CECR2: variants seen among roughly 807,000 people sequenced by gnomAD.
CECR2 encodes the protein CECR2 histone acetyl-lysine reader, also known as chromatin remodeling regulator CECR2.
CECR2 carries 30 observed loss-of-function variants against 154.5 expected under a neutral mutation model. The observed-to-expected ratio is 0.19, with a 90% confidence interval of 0.15 to 0.26. The LOEUF (loss-of-function observed/expected upper bound fraction) is 0.26. Among genes scored for constraint, CECR2 ranks in the 10% least tolerant of loss-of-function variants. The pLI, the probability that CECR2 is intolerant of heterozygous loss-of-function variation, is 1.00. For synonymous variants in CECR2, 725 were observed against 683.7 expected (o/e 1.06, Z -0.94); for missense variants, 1,743 against 1,829.3 (o/e 0.95, Z 0.86).
intron 1 of CECR2, among the ~76,000 whole-genome samples, chr22:17,454,604 CAA>C (rs533818885): frequency 5.7e-5 from 5 of 88,470 alleles, no homozygotes; most frequent in Admixed American, 1.3e-4. Context: ...GACTCCGTCT[CAA>C]AAAAAAAAAA....
chr22:17,380,661 A>G (rs1159779979), intron 1 of CECR2, among the ~76,000 whole-genome samples: 1 of 152,184 alleles, frequency 6.6e-6, no homozygotes, highest in East Asian at 1.9e-4. Context: ...ATCACCTCCA[A>G]AAGTAAGTGA....
intron 7 of CECR2, 40 bp from the exon 8 acceptor site, chr22:17,511,773 A>AATCT (rs2055959587): frequency 6.4e-7 from 1 of 1,556,186 alleles, no homozygotes; most frequent in African/African-American, 1.4e-5. Flanking sequence ...AGAACACCCT[A>AATCT]ATCTATCTTT....
At chr22:17,389,001 C>T (rs1299308783) in intron 1 of CECR2, among the ~76,000 whole-genome samples, 9 of 151,974 alleles carry the variant, frequency 5.9e-5, no homozygotes, top group South Asian at 2.1e-4. Context: ...TTAGTAGAGA[C>T]GGGGTTTCAC....
rs1038978454 is a variant in CECR2 at position 17,449,565 on chromosome 22, C to T, written c.127-28023C>T. On this transcript the variant is annotated intron_variant, in intron 1 of 18. Coordinates refer to ENST00000262608, the MANE Select transcript of CECR2 (RefSeq NM_001290047.2). ...AGTGCAGTGGCATGATGTTGGCTCA[C>T]TGCAAGCTCTGCCTCCCAGGTTCAC... Among the ~76,000 whole-genome samples the T allele has an allele frequency of 5.0e-4, 70 of 140,918 alleles. 1 individual carries two copies. The highest frequency in any genetic ancestry group is 1.8e-3 in the African/African-American group (68 of 37,372). 92.4% of individuals were successfully genotyped at this position (140,918 alleles called of 152,430 possible).
At chr22:17,472,756 A>G (rs962702229) in intron 1 of CECR2, among the ~76,000 whole-genome samples, 1 of 152,240 alleles carries the variant, frequency 6.6e-6, no homozygotes, top group African/African-American at 2.4e-5. Context: ...ATCAAACAAG[A>G]AAAGGTACCT....
At position 17,419,545 on chromosome 22, in the gene CECR2, A is replaced by AGG. The variant is rs1167266383; in HGVS notation, c.126+49636_126+49637insGG. 2.6e-4 allele frequency: 54 copies of AGG among 207,348 alleles called. No individual in the cohort carries two copies. The African/African-American group carries it at 2.9e-3, about 11-fold the overall frequency. 12.8% of individuals were successfully genotyped at this position (207,348 alleles called of 1,614,324 possible). ...GAAGAAGAAGAGGAAGAGGAAGAGG[A>AGG]AGAGGAGGAGGAGGAGGAGGAAGAA... On this transcript the variant is annotated intron_variant, in intron 1 of 18. Transcript: ENST00000262608.
chr22:17,544,039 C>A (rs1249972771), intron 16 of CECR2, among the ~76,000 whole-genome samples: 1 of 152,138 alleles, frequency 6.6e-6, no homozygotes, highest in African/African-American at 2.4e-5. Flanking sequence ...TGTGCTTTAC[C>A]CACTGCATCA....
intron 8 of CECR2, among the ~76,000 whole-genome samples, chr22:17,520,069 G>T (rs60263120): frequency 6.6e-6 from 1 of 152,044 alleles, no homozygotes; most frequent in Non-Finnish European, 1.5e-5. Flanking sequence ...GATTACAGGC[G>T]TGAGCCACCG....
intron 1 of CECR2, among the ~76,000 whole-genome samples, chr22:17,401,693 A>G (rs2053894422): frequency 1.3e-5 from 2 of 152,164 alleles, no homozygotes; most frequent in South Asian, 4.1e-4. Flanking sequence ...AGGGATAGAT[A>G]GTACTATAGT....
rs768486108 is a variant in CECR2 at position 17,542,873 on chromosome 22, C to T, written c.2730C>T (p.Pro910=). The T allele has an allele frequency of 6.2e-6, 10 of 1,613,938 alleles. No individual in the cohort carries two copies. The highest frequency in any genetic ancestry group is 7.6e-6 in the Non-Finnish European group (9 of 1,179,874). The change falls in exon 16 of 19, where the codon CCC becomes CCT. Residue 910 remains proline, a synonymous_variant. Coordinates refer to ENST00000262608, the MANE Select transcript of CECR2 (RefSeq NM_001290047.2). ...ACCACCCCCACCAGCCTGCACACCCCCGTTTACCTGGCCCTTTTCCGCAGG... is the reference window on the plus strand; with the variant it reads ...ACCACCCCCACCAGCCTGCACACCCTCGTTTACCTGGCCCTTTTCCGCAGG... ...VPYHPHQPAH[P]RLPGPFPQVA... is the part of the protein sequence containing the mutation.
intron 8 of CECR2, among the ~76,000 whole-genome samples, chr22:17,518,013 C>T (rs1288906318): frequency 1.3e-5 from 2 of 152,176 alleles, no homozygotes; most frequent in African/African-American, 4.8e-5. Flanking sequence ...ACACTGACCA[C>T]CTCTTCTGGG....
intron 8 of CECR2, among the ~76,000 whole-genome samples, chr22:17,515,870 T>C (rs2056042977): frequency 6.6e-6 from 1 of 151,250 alleles, no homozygotes; most frequent in African/African-American, 2.4e-5. Flanking sequence ...AGAAATGGGG[T>C]TTCACCGTGT....
Position 17,542,671 on chromosome 22 carries a change from C to T in CECR2, c.2528C>T (p.Pro843Leu). The T allele has an allele frequency of 6.2e-7, 1 of 1,614,030 alleles. No homozygotes were observed. The highest frequency in any genetic ancestry group is 1.1e-5 in the South Asian group (1 of 91,088). ...GVPSSGYMRP[P>L]CKSAGHRLQP... The stretch of plus-strand genomic sequence containing the variant: ...CCTTCCTCAGGGTACATGCGACCGC[C>T]CTGCAAGTCTGCCGGACATCGGTTA... The change falls in exon 16 of 19, where the codon CCC (proline) becomes CTC (leucine). Residue 843 changes from proline to leucine, a missense_variant. By Grantham distance (98) the Pro-to-Leu change is moderately conservative. Coordinates refer to ENST00000262608, the MANE Select transcript of CECR2 (RefSeq NM_001290047.2).
intron 8 of CECR2, among the ~76,000 whole-genome samples, chr22:17,519,444 A>AC (rs1286384108): frequency 1.3e-5 from 2 of 151,816 alleles, no homozygotes; most frequent in African/African-American, 4.8e-5. Flanking sequence ...TATTGTTAGT[A>AC]GAGACAGGGT....
upstream of CECR2, among the ~76,000 whole-genome samples, chr22:17,367,766 G>A (rs73391751): frequency 6.6e-6 from 1 of 152,112 alleles, no homozygotes; most frequent in Non-Finnish European, 1.5e-5. Context: ...AAAGCACCTC[G>A]TTCAGGTTAC....
intron 8 of CECR2, among the ~76,000 whole-genome samples, chr22:17,512,556 A>T: frequency 6.6e-6 from 1 of 151,860 alleles, no homozygotes; most frequent in African/African-American, 2.4e-5. Context: ...TACAAAAATT[A>T]GCTGGGTGTG....
intron 17 of CECR2, among the ~76,000 whole-genome samples, chr22:17,550,066 A>C (rs2056685408): frequency 6.6e-6 from 1 of 152,088 alleles, no homozygotes; most frequent in Admixed American, 6.5e-5. Context: ...TTTATCTTTG[A>C]AATTTTTTCC....
At chr22:17,411,241 A>G (rs563778660) in intron 1 of CECR2, among the ~76,000 whole-genome samples, 97 of 152,324 alleles carry the variant, frequency 6.4e-4, no homozygotes, top group African/African-American at 2.2e-3. Flanking sequence ...TTAATTTCAT[A>G]TATTTCTACC....
rs918884103 is a variant in CECR2, at chr22:17,552,742, T to G, written c.4390-93T>G. ...AACAGAATCAAGCCATTTTCACACA[T>G]GAGGAGCTTGGACATTCTTTGGCTT... On this transcript the variant is annotated intron_variant, in intron 18 of 18. Coordinates refer to ENST00000262608, the MANE Select transcript of CECR2 (RefSeq NM_001290047.2). 7.5e-6 allele frequency: 9 copies of G among 1,207,720 alleles called. No homozygotes were observed. The Admixed American group carries it at 1.9e-4, about 26-fold the overall frequency. The allele number at this position is 1,207,720 out of a possible 1,614,324, so 74.8% of individuals were successfully genotyped here.
Sources: allele counts gnomAD v4.1 joint callset (sites outside exome capture counted in the v4.1 genomes callset), GRCh38; gene constraint gnomAD v4.1.1; transcripts MANE v1.5; gene names NCBI Gene and HGNC (gene_info 2026-07-23, HGNC 2026-07-21).